POU2F1: variants seen among roughly 807,000 people sequenced by gnomAD.
POU2F1 encodes the protein POU class 2 homeobox 1.
In POU2F1, 16 loss-of-function variants were observed where a neutral mutation model predicts 84.9. That is an observed-to-expected ratio of 0.19 (90% CI 0.13 to 0.29). POU2F1 has a LOEUF of 0.29. Among genes scored for constraint, POU2F1 ranks in the 10% least tolerant of loss-of-function variants. The probability of loss-of-function intolerance (pLI) is 1.00; values close to 1 mark genes in which losing one functional copy is unlikely to be tolerated. For missense variants in POU2F1, 738 were observed against 942.6 expected (o/e 0.78, Z 2.84); for synonymous variants, 368 against 368.3 (o/e 1.00, Z 0.01).
intron 5 of POU2F1, among the ~76,000 whole-genome samples, chr1:167,372,413 G>A (rs1325644218): frequency 6.6e-6 from 1 of 152,140 alleles, no homozygotes; most frequent in African/African-American, 2.4e-5. Flanking sequence ...TTAAAGAATG[G>A]ATTAGTACCT....
chr1:167,387,135 C>T lies in POU2F1; in HGVS notation c.814-2453C>T, dbSNP rs1334627857. ...GCATATGGTGGCAGGGCCGTTGTGG[C>T]TTCATCCTGACTCCTGCTCACTGAA... On this transcript the variant is annotated intron_variant, in intron 8 of 15. Coordinates refer to ENST00000367866, the MANE Select transcript of POU2F1 (RefSeq NM_002697.4). 5 of 455,856 alleles carry T rather than the reference C, an allele frequency of 1.1e-5. No homozygotes were observed. In the East Asian group the frequency reaches 3.5e-4, roughly 32 times the overall value. The allele number at this position is 455,856 out of a possible 1,614,324, so 28.2% of individuals were successfully genotyped here.
At chr1:167,355,989 C>T (rs971545208) in intron 2 of POU2F1, among the ~76,000 whole-genome samples, 19 of 151,332 alleles carry the variant, frequency 1.3e-4, no homozygotes, top group African/African-American at 4.4e-4. Flanking sequence ...ACTTTGTTGC[C>T]CACACTGGAG....
intron 1 of POU2F1, among the ~76,000 whole-genome samples, chr1:167,248,834 T>G (rs1650522505): frequency 6.6e-6 from 1 of 152,214 alleles, no homozygotes; most frequent in South Asian, 2.1e-4. Flanking sequence ...ATGTATTAAC[T>G]CCTTTAATTT....
At chr1:167,375,890 C>A (rs865887387) in intron 6 of POU2F1, 139 bp from the exon 7 acceptor site, 25 of 1,051,984 alleles carry the variant, frequency 2.4e-5, no homozygotes, top group Middle Eastern at 3.1e-4. Flanking sequence ...CAGAGCATAC[C>A]CTGTTTGGAA....
At chr1:167,387,344 C>A in intron 8 of POU2F1, 1 of 403,230 alleles carries the variant, frequency 2.5e-6, no homozygotes. Context: ...TCACCTGTAA[C>A]TGTCAACCAG....
At chr1:167,253,974 T>C (rs1433977341) in intron 1 of POU2F1, among the ~76,000 whole-genome samples, 1 of 152,202 alleles carries the variant, frequency 6.6e-6, no homozygotes, top group Non-Finnish European at 1.5e-5. Flanking sequence ...CTAGGAATTT[T>C]TATTGGTTTG....
At chr1:167,286,381 A>G (rs1057275942) in intron 1 of POU2F1, among the ~76,000 whole-genome samples, 1 of 152,178 alleles carries the variant, frequency 6.6e-6, no homozygotes, top group African/African-American at 2.4e-5. Flanking sequence ...CACAGGATCA[A>G]CCAGTAAGTT....
intron 1 of POU2F1, among the ~76,000 whole-genome samples, chr1:167,246,039 G>T (rs1053321145): frequency 6.6e-6 from 1 of 152,218 alleles, no homozygotes; most frequent in Non-Finnish European, 1.5e-5. Context: ...TTATTGAGAA[G>T]AATTTGATGT....
chr1:167,407,325 C>T (rs980879654), intron 13 of POU2F1, among the ~76,000 whole-genome samples: 6 of 152,184 alleles, frequency 3.9e-5, no homozygotes, highest in African/African-American at 1.4e-4. Context: ...CCACCATGCT[C>T]AGTCTTCCAG....
intron 13 of POU2F1, among the ~76,000 whole-genome samples, chr1:167,409,493 T>C (rs945980777): frequency 2.0e-5 from 3 of 152,218 alleles, no homozygotes; most frequent in Non-Finnish European, 4.4e-5. Flanking sequence ...TTTACAGTCA[T>C]GAAATACATA....
chr1:167,359,231 A>C (rs1015982928), intron 2 of POU2F1, among the ~76,000 whole-genome samples: 5 of 151,930 alleles, frequency 3.3e-5, no homozygotes, highest in African/African-American at 1.2e-4. Context: ...GTAGGGGGTA[A>C]ATGCACAGGT....
intron 1 of POU2F1, among the ~76,000 whole-genome samples, chr1:167,311,771 C>CATTTATTTATT (rs1655491418): frequency 2.8e-5 from 4 of 144,636 alleles, no homozygotes; most frequent in Admixed American, 2.1e-4. Flanking sequence ...TACAAAAAAT[C>CATTTATTTATT]ATTTATTTAT....
intron 1 of POU2F1, among the ~76,000 whole-genome samples, chr1:167,228,455 C>T (rs1024825937): frequency 2.0e-5 from 3 of 152,084 alleles, no homozygotes; most frequent in Admixed American, 6.5e-5. Context: ...ATAGATAAGT[C>T]GTGATAAAGG....
Position 167,374,250 on chromosome 1 carries a change from C to T in POU2F1, c.545C>T (p.Thr182Met), listed in dbSNP as rs954494085. The T allele has an allele frequency of 3.7e-6, 6 of 1,613,474 alleles. No homozygotes were observed. The highest frequency in any genetic ancestry group is 3.3e-5 in the South Asian group (3 of 91,024). ...GCCACCATCTCCGCCTCTGCTGCCA[C>T]GCCCATGACGCAGATCCCCCTGTCT... ...AGATISASAA[T>M]PMTQIPLSQP... The change falls in exon 6 of 16, where the codon ACG becomes ATG. Residue 182 changes from threonine to methionine, a missense_variant. Around this residue, in one of 4 missense-constraint regions of POU2F1, gnomAD observed 163 missense variants for 214.4 expected, o/e 0.76. Transcript: ENST00000367866.
At chr1:167,221,090 G>A (rs887021559) in intron 1 of POU2F1, 132 bp downstream of exon 1, 9 of 872,140 alleles carry the variant, frequency 1.0e-5, no homozygotes, top group Middle Eastern at 3.5e-4. Flanking sequence ...GGGGGGCCGG[G>A]GAGCATTGAG....
chr1:167,303,517 A>G (rs1208541359), intron 1 of POU2F1: 3 of 154,298 alleles, frequency 1.9e-5, no homozygotes, highest in Non-Finnish European at 4.4e-5. Flanking sequence ...TAATTACCAA[A>G]CTACTCTCAG....
intron 2 of POU2F1, among the ~76,000 whole-genome samples, chr1:167,354,464 A>G (rs1207501779): frequency 6.6e-6 from 1 of 151,764 alleles, no homozygotes; most frequent in East Asian, 1.9e-4. Context: ...GCTGATTTTT[A>G]TATTTTTAGT....
chr1:167,285,551 C>G (rs556760961), intron 1 of POU2F1, among the ~76,000 whole-genome samples: 23 of 152,004 alleles, frequency 1.5e-4, no homozygotes, highest in African/African-American at 5.3e-4. Flanking sequence ...TGAGATCGCG[C>G]CACTGCACTC....
intron 1 of POU2F1, among the ~76,000 whole-genome samples, chr1:167,266,401 TTGG>T (rs1222362130): frequency 6.6e-6 from 1 of 152,174 alleles, no homozygotes; most frequent in Admixed American, 6.5e-5. Context: ...AAAATAATAA[TTGG>T]TGGTTTAAAA....
Sources: allele counts gnomAD v4.1 joint callset (sites outside exome capture counted in the v4.1 genomes callset), GRCh38; gene constraint gnomAD v4.1.1; regional missense constraint gnomAD v4.1.1; transcripts MANE v1.5; gene names NCBI Gene and HGNC (gene_info 2026-07-23, HGNC 2026-07-21).